ATP7A: variants seen among roughly 807,000 people sequenced by gnomAD.
ATP7A encodes copper-transporting ATPase 1.
Under a neutral mutation model 83.5 loss-of-function variants are expected in ATP7A, and 7 were observed. That is an observed-to-expected ratio of 0.08 (90% CI 0.05 to 0.16). ATP7A has a LOEUF of 0.16. ATP7A is among the 10% of genes least tolerant of loss of function. The pLI, the probability that ATP7A is intolerant of heterozygous loss-of-function variation, is 1.00. For missense variants in ATP7A, 940 were observed against 1,120.8 expected (o/e 0.84, Z 2.30); for synonymous variants, 354 against 395.2 (o/e 0.90, Z 1.24).
chrX:77,932,524 A>G (rs1244075218), intron 1 of ATP7A, among the ~76,000 whole-genome samples: 3 of 112,048 alleles, frequency 2.7e-5, no homozygotes, highest in Admixed American at 9.4e-5. Context: ...AGAGGCTGCA[A>G]TCTCGGCACT....
At chrX:77,950,990 C>T (rs1165473206) in intron 1 of ATP7A, among the ~76,000 whole-genome samples, 1 of 110,425 alleles carries the variant, frequency 9.1e-6, no homozygotes, top group Non-Finnish European at 1.9e-5. Flanking sequence ...CCACTGCACT[C>T]CAGCCTGGTA....
At chrX:78,045,400 T>A (rs1376784993) in intron 21 of ATP7A, 70 bp from the exon 22 acceptor site, 7 of 856,473 alleles carry the variant, frequency 8.2e-6, no homozygotes, top group Middle Eastern at 2.7e-4. Flanking sequence ...ATGATTTGTA[T>A]GTATGTTAGA....
chrX:77,948,923 G>T lies in ATP7A; in HGVS notation c.-21-22698G>T, dbSNP rs1280767226. 5.4e-5 allele frequency among the ~76,000 whole-genome samples: 6 copies of T among 110,691 alleles called. No individual in the cohort carries two copies. In the East Asian group the frequency reaches 1.7e-3, roughly 31 times the overall value. On this transcript the variant is annotated intron_variant, in intron 1 of 22. Coordinates refer to ENST00000341514, the MANE Select transcript of ATP7A (RefSeq NM_000052.7). ...ATTTTTATTCTGGAGACGGAGTCTT[G>T]CTTTGTCGCCCAGGCTGGAGTACAG...
intron 2 of ATP7A, among the ~76,000 whole-genome samples, chrX:77,976,695 A>T (rs2077578451): frequency 8.9e-6 from 1 of 112,279 alleles, no homozygotes; most frequent in African/African-American, 3.2e-5. Context: ...TGTATGAGGG[A>T]AAAAGCAGTA....
chrX:77,937,775 A>G (rs2077328064), intron 1 of ATP7A, among the ~76,000 whole-genome samples: 1 of 110,510 alleles, frequency 9.0e-6, no homozygotes, highest in South Asian at 3.8e-4. Context: ...TATAGGGAGG[A>G]AAACAGTGGA....
chrX:78,030,487 T>C (rs1434670050), intron 15 of ATP7A, among the ~76,000 whole-genome samples: 1 of 110,555 alleles, frequency 9.0e-6, no homozygotes, highest in East Asian at 2.8e-4. Context: ...CTGCAGTCGT[T>C]GGGCTCTTTT....
At chrX:77,937,713 C>T (rs2077327609) in intron 1 of ATP7A, among the ~76,000 whole-genome samples, 1 of 111,487 alleles carries the variant, frequency 9.0e-6, no homozygotes, top group Non-Finnish European at 1.9e-5. Context: ...TTTCATTTAT[C>T]CACTTATATG....
At position 77,997,592 on chromosome X, in the gene ATP7A, G is replaced by A. The variant is rs138095977; in HGVS notation, c.1337-886G>A. On this transcript the variant is annotated intron_variant, in intron 4 of 22. Transcript: ENST00000341514. ...CTCTTTTCTTCCTTTTCTCTACAGG[G>A]GAGGAGAAAATCTTTGGCTTTTTTT... 4.8e-3 allele frequency among the ~76,000 whole-genome samples: 530 copies of A among 110,137 alleles called. 24 individuals carry two copies. The East Asian group carries it at 0.12, about 25-fold the overall frequency.
At chrX:77,968,631 C>A (rs2077523988) in intron 1 of ATP7A, among the ~76,000 whole-genome samples, 2 of 112,462 alleles carry the variant, frequency 1.8e-5, no homozygotes, top group Non-Finnish European at 3.8e-5. Context: ...ATAAGGGGAG[C>A]TTTTCCACAG....
At chrX:77,953,199 T>A (rs1232314756) in intron 1 of ATP7A, among the ~76,000 whole-genome samples, 1 of 112,393 alleles carries the variant, frequency 8.9e-6, no homozygotes, top group African/African-American at 3.2e-5. Flanking sequence ...AGAAGTAAAT[T>A]TGTCTTAGAA....
intron 15 of ATP7A, 32 bp downstream of exon 15, chrX:78,029,476 C>T (rs1557236775): frequency 8.6e-7 from 1 of 1,158,043 alleles, no homozygotes; most frequent in East Asian, 3.0e-5. Context: ...AAACCTGTAC[C>T]ACCAAACTAT....
At position 78,009,283 on chromosome X, in the gene ATP7A, G is replaced by A; in HGVS notation, c.1869+20G>A. The A allele has an allele frequency of 2.5e-6, 3 of 1,197,128 alleles. No homozygotes were observed. The highest frequency in any genetic ancestry group is 3.4e-6 in the Non-Finnish European group (3 of 882,788). On this transcript the variant is annotated intron_variant, in intron 7 of 22. Transcript: ENST00000341514. ...ATTGAAGTAAGTGCCAAGAATTTAT[G>A]TTTCTGTGTTCTTACCTATTTAATC...
chrX:78,020,875 C>T, intron 13 of ATP7A, 70 bp from the exon 14 acceptor site: 1 of 1,046,035 alleles, frequency 9.6e-7, no homozygotes, highest in Non-Finnish European at 1.3e-6. Context: ...TAAATATACT[C>T]TGCATTCAGT....
intron 10 of ATP7A, 39 bp downstream of exon 10, chrX:78,013,151 T>C: frequency 8.9e-7 from 1 of 1,118,340 alleles, no homozygotes; most frequent in Non-Finnish European, 1.2e-6. Context: ...AAATGTTGGG[T>C]GGATAAATGA....
intron 1 of ATP7A, among the ~76,000 whole-genome samples, chrX:77,944,116 A>G (rs1430430258): frequency 1.8e-5 from 2 of 112,238 alleles, no homozygotes. Context: ...TTTTGCCAAC[A>G]TTATAAGAAA....
chrX:78,005,946 C>T (rs2077772541), intron 6 of ATP7A, among the ~76,000 whole-genome samples: 1 of 110,994 alleles, frequency 9.0e-6, no homozygotes, highest in Non-Finnish European at 1.9e-5. Flanking sequence ...AGACAAGCGT[C>T]AGCACCCCAA....
Position 78,046,690 on chromosome X carries a change from C to T in ATP7A, c.*120C>T. On this transcript the variant is annotated 3_prime_UTR_variant, in exon 23 of 23. Transcript: ENST00000341514. ...TTCTCATGCTCTTATATTAGGGATT[C>T]TATTTGAGTTGCGTTTATCTGTTGG... 1.0e-6 allele frequency: 1 copy of T among 975,936 alleles called. No homozygotes were observed. Among genetic ancestry groups the T allele is most frequent in the Non-Finnish European group, 1.4e-6 (1 of 694,376 alleles). The allele number at this position is 975,936 out of a possible 1,213,427, so 80.4% of individuals were successfully genotyped here.
intron 12 of ATP7A, 106 bp downstream of exon 12, chrX:78,015,987 A>G (rs1476957537): frequency 2.1e-6 from 2 of 941,591 alleles, no homozygotes; most frequent in Non-Finnish European, 3.0e-6. Flanking sequence ...AACAGAGAGA[A>G]TAAGTTCTTT....
At position 78,029,361 on chromosome X, in the gene ATP7A, A is replaced by G. The variant is rs782480109; in HGVS notation, c.3028A>G (p.Thr1010Ala). The change falls in exon 15 of 23, where the codon ACT becomes GCT. Residue 1010 changes from threonine to alanine, a missense_variant. By Grantham distance (58) the Thr-to-Ala change is moderately conservative (BLOSUM62 0). Around this residue, in one of 3 missense-constraint regions of ATP7A, gnomAD observed 386 missense variants for 502.2 expected, o/e 0.77. Coordinates refer to ENST00000341514, the MANE Select transcript of ATP7A (RefSeq NM_000052.7). ...CPCSLGLATP[T>A]AVMVGTGVGA... ...CTGTTCACTGGGACTGGCCACTCCA[A>G]CTGCTGTGATGGTGGGTACAGGAGT... 10 of 1,209,594 alleles carry G rather than the reference A, an allele frequency of 8.3e-6. No homozygotes were observed. The highest frequency in any genetic ancestry group is 2.3e-4 in the Middle Eastern group (1 of 4,360).
Sources: gnomAD v4.1 joint callset for allele counts (sites outside exome capture counted in the v4.1 genomes callset) on GRCh38, gnomAD v4.1.1 for gene constraint, gnomAD v4.1.1 regional missense constraint, MANE v1.5 for transcripts, NCBI Gene and HGNC (gene_info 2026-07-23, HGNC 2026-07-21) for gene names.